Variants in BTBD7 observed in about 807,000 individuals in gnomAD.
BTBD7 encodes BTB/POZ domain-containing protein 7.
In BTBD7, 38 loss-of-function variants were observed where a neutral mutation model predicts 99.9. The ratio of observed to expected loss-of-function variants is 0.38; its 90% CI spans 0.29 to 0.50. The LOEUF (loss-of-function observed/expected upper bound fraction) is 0.50, where lower values mean the gene tolerates loss of function less well. Among genes scored for constraint, BTBD7 ranks in the 20% least tolerant of loss-of-function variants. The pLI is 0.93. For synonymous variants in BTBD7, 520 were observed against 511.4 expected (o/e 1.02, Z -0.23); for missense variants, 1,170 against 1,394.6 (o/e 0.84, Z 2.57).
chr14:93,317,170 T>TA (rs2053217453), intron 1 of BTBD7, among the ~76,000 whole-genome samples: 1 of 152,034 alleles, frequency 6.6e-6, no homozygotes, highest in South Asian at 2.1e-4. Flanking sequence ...CACACCCAAC[T>TA]AATTTTTTAT....
In BTBD7 at chr14:93,241,844, T is replaced by C; in HGVS notation, c.*429A>G. On this transcript the variant is annotated 3_prime_UTR_variant, in exon 11 of 11. Coordinates refer to ENST00000334746, the MANE Select transcript of BTBD7 (RefSeq NM_001002860.4). Reference sequence around the variant, plus strand: ...TTTCGTAAGAAAATACATCTTAGTGTGCAATCCAATGCACATGGATTGGTA... The same window carrying C: ...TTTCGTAAGAAAATACATCTTAGTGCGCAATCCAATGCACATGGATTGGTA... The C allele has an allele frequency of 5.8e-6, 1 of 172,686 alleles. No individual in the cohort carries two copies. 10.7% of individuals were successfully genotyped at this position (172,686 alleles called of 1,614,324 possible).
chr14:93,275,043 G>T (rs2052640171), intron 3 of BTBD7, among the ~76,000 whole-genome samples: 1 of 152,136 alleles, frequency 6.6e-6, no homozygotes, highest in Admixed American at 6.5e-5. Context: ...CCTCTATGTA[G>T]TAAGTACTAC....
At chr14:93,300,499 G>A (rs958330687) in intron 1 of BTBD7, among the ~76,000 whole-genome samples, 1 of 151,602 alleles carries the variant, frequency 6.6e-6, no homozygotes, top group East Asian at 1.9e-4. Context: ...CTTGTGATTC[G>A]CCCACCTCAG....
At chr14:93,298,446 C>G (rs980722826) in intron 1 of BTBD7, among the ~76,000 whole-genome samples, 1 of 152,068 alleles carries the variant, frequency 6.6e-6, no homozygotes, top group African/African-American at 2.4e-5. Context: ...GTTTCATGCA[C>G]TATATTAAAA....
intron 3 of BTBD7, among the ~76,000 whole-genome samples, chr14:93,284,458 C>CTT (rs5810626): frequency 0.03 from 4,305 of 145,658 alleles, 81 homozygotes; most frequent in African/African-American, 0.04. Flanking sequence ...CCACTCCCCA[C>CTT]TTTTTTTTTT....
intron 1 of BTBD7, among the ~76,000 whole-genome samples, chr14:93,297,897 T>G (rs1056163108): frequency 1.3e-5 from 2 of 152,004 alleles, no homozygotes; most frequent in African/African-American, 4.8e-5. Flanking sequence ...TTTACCAAAA[T>G]GAGGGGGGAA....
intron 8 of BTBD7, among the ~76,000 whole-genome samples, chr14:93,250,293 T>C (rs2052356333): frequency 1.3e-5 from 2 of 152,210 alleles, no homozygotes; most frequent in South Asian, 4.1e-4. Flanking sequence ...CCTCTGAGAT[T>C]GAGTTCTAAG....
chr14:93,319,408 T>C (rs955058369), intron 1 of BTBD7, among the ~76,000 whole-genome samples: 9 of 152,182 alleles, frequency 5.9e-5, no homozygotes, highest in Admixed American at 1.3e-4. Flanking sequence ...AAAGAAAATG[T>C]AGTAAATACA....
intron 1 of BTBD7, among the ~76,000 whole-genome samples, chr14:93,329,454 A>C (rs1444425797): frequency 2.6e-5 from 4 of 152,228 alleles, no homozygotes; most frequent in Non-Finnish European, 1.5e-5. Context: ...CTGGATATAA[A>C]ATTCATAAAA....
At chr14:93,281,485 T>C (rs1027260787) in intron 3 of BTBD7, among the ~76,000 whole-genome samples, 7 of 152,196 alleles carry the variant, frequency 4.6e-5, no homozygotes, top group Non-Finnish European at 8.8e-5. Context: ...AGTGAGACTT[T>C]ATAGTTCTTA....
intron 5 of BTBD7, among the ~76,000 whole-genome samples, chr14:93,258,532 C>T (rs1488807434): frequency 6.6e-6 from 1 of 152,036 alleles, no homozygotes. Context: ...TCCTTCTTAT[C>T]CTTGCAGAAG....
rs778167830 is a variant in BTBD7, at chr14:93,294,803, G to A, written c.217C>T (p.Arg73Cys). The change falls in exon 3 of 11, where the codon CGT becomes TGT. Residue 73 changes from arginine to cysteine, a missense_variant. Arg to Cys is a radical substitution (Grantham distance 180). This residue lies in a region of BTBD7 where 359 missense variants were observed against 497.9 expected (regional missense o/e 0.72). Coordinates refer to ENST00000334746, the MANE Select transcript of BTBD7 (RefSeq NM_001002860.4). ...TCGGCAGACCTATTAGATTTCCGAC[G>A]CTTAATAAACTTCTTTTTGAGGGTG... Reference protein sequence around the residue: ...LATLKKKFIKRRKSNRSADHA... With the variant: ...LATLKKKFIKCRKSNRSADHA... 8.1e-6 allele frequency: 13 copies of A among 1,613,832 alleles called. No homozygotes were observed. Among genetic ancestry groups the A allele is most frequent in the South Asian group, 5.5e-5 (5 of 91,064 alleles).
chr14:93,285,645 C>T (rs1052500291), intron 3 of BTBD7, among the ~76,000 whole-genome samples: 1 of 152,122 alleles, frequency 6.6e-6, no homozygotes, highest in Admixed American at 6.5e-5. Context: ...AAAAAATTAC[C>T]AATGAATGGT....
chr14:93,327,031 C>T (rs888022530), intron 1 of BTBD7, among the ~76,000 whole-genome samples: 2 of 152,018 alleles, frequency 1.3e-5, no homozygotes, highest in African/African-American at 2.4e-5. Flanking sequence ...CATGGTGGCA[C>T]GTGCCTGTAT....
At chr14:93,310,684 C>A (rs1362605587) in intron 1 of BTBD7, among the ~76,000 whole-genome samples, 1 of 151,316 alleles carries the variant, frequency 6.6e-6, no homozygotes, top group Non-Finnish European at 1.5e-5. Context: ...GTGGAGGTTG[C>A]AGTGAGCTGA....
intron 4 of BTBD7, among the ~76,000 whole-genome samples, chr14:93,261,952 T>A (rs1188663092): frequency 6.6e-6 from 1 of 152,138 alleles, no homozygotes; most frequent in Non-Finnish European, 1.5e-5. Flanking sequence ...GCTCCCTTCC[T>A]ATTTTATTTT....
At position 93,262,164 on chromosome 14, in the gene BTBD7, G is replaced by A. The variant is rs150231067; in HGVS notation, c.1372-487C>T. 6.0e-3 allele frequency among the ~76,000 whole-genome samples: 876 copies of A among 146,494 alleles called. 12 individuals are homozygous for A. Among genetic ancestry groups the A allele is most frequent in the Middle Eastern group, 0.054 (15 of 278 alleles). On this transcript the variant is annotated intron_variant, in intron 4 of 10. Coordinates refer to ENST00000334746, the MANE Select transcript of BTBD7 (RefSeq NM_001002860.4). ...TTTTTTTTTTTTGAGAGGGAGTCTC[G>A]CGCTGTTGCCCAGGCTGGAGTGCAG...
intron 7 of BTBD7, 135 bp downstream of exon 7, chr14:93,253,512 C>T (rs968023031): frequency 9.2e-6 from 7 of 764,636 alleles, no homozygotes; most frequent in Non-Finnish European, 1.3e-5. Flanking sequence ...AGTAGTCAAA[C>T]TAGAACTTAC....
intron 3 of BTBD7, among the ~76,000 whole-genome samples, chr14:93,293,289 A>T (rs2052880426): frequency 6.6e-6 from 1 of 152,174 alleles, no homozygotes; most frequent in African/African-American, 2.4e-5. Context: ...AAGAAGGCAC[A>T]TGAGTCTAGC....
Sources: gnomAD v4.1 joint callset for allele counts (sites outside exome capture counted in the v4.1 genomes callset) on GRCh38, gnomAD v4.1.1 for gene constraint, gnomAD v4.1.1 regional missense constraint, MANE v1.5 for transcripts, NCBI Gene and HGNC (gene_info 2026-07-23, HGNC 2026-07-21) for gene names.